PLD5: variants seen among roughly 807,000 people sequenced by gnomAD.
The protein encoded by PLD5 is phospholipase D family member 5.
Under a neutral mutation model 61.1 loss-of-function variants are expected in PLD5, and 36 were observed. The ratio of observed to expected loss-of-function variants is 0.59; its 90% CI spans 0.45 to 0.78. The LOEUF is 0.78. Ranked by LOEUF, PLD5 falls within the 30% of genes least tolerant of loss-of-function variation. The pLI, the probability that PLD5 is intolerant of heterozygous loss-of-function variation, is 0.00. For synonymous variants in PLD5, 243 were observed against 242.8 expected, an observed-to-expected ratio of 1.00 and a Z score of -0.01; for missense variants, 515 against 644.4, an observed-to-expected ratio of 0.80 and a Z score of 2.17.
intron 1 of PLD5, among the ~76,000 whole-genome samples, chr1:242,483,623 C>T (rs1667859591): frequency 6.6e-6 from 1 of 152,128 alleles, no homozygotes; most frequent in Non-Finnish European, 1.5e-5. Context: ...GACTTTAACA[C>T]CCCACTGTCA....
intron 2 of PLD5, among the ~76,000 whole-genome samples, chr1:242,341,795 G>T (rs975302012): frequency 4.9e-5 from 7 of 141,510 alleles, no homozygotes; most frequent in Non-Finnish European, 9.2e-5. Context: ...TAGAGATAGA[G>T]ACTGAGACAT....
Position 242,109,224 on chromosome 1 carries a change from A to G in PLD5, c.1071-1385T>C, listed in dbSNP as rs543839031. Among the ~76,000 whole-genome samples, 6 of 152,382 alleles carry G rather than the reference A, an allele frequency of 3.9e-5. No homozygotes were observed. In the East Asian group the frequency reaches 1.2e-3, roughly 29 times the overall value. On this transcript the variant is annotated intron_variant, in intron 7 of 9. Coordinates refer to ENST00000536534, the MANE Select transcript of PLD5 (RefSeq NM_001372062.1). ...GCCGGCACGGTGGCTCACACCTGTC[A>G]TTCCAGCACTTTGGAAGGCCAAGGC...
intron 1 of PLD5, among the ~76,000 whole-genome samples, chr1:242,422,400 G>A (rs998014454): frequency 2.0e-5 from 3 of 152,082 alleles, no homozygotes; most frequent in Non-Finnish European, 4.4e-5. Flanking sequence ...CAGATAATTT[G>A]AAAAATGTTT....
intron 1 of PLD5, chr1:242,377,176 G>C (rs565372403): frequency 6.2e-7 from 1 of 1,611,646 alleles, no homozygotes; most frequent in East Asian, 2.2e-5. Flanking sequence ...TGTCTGGAGA[G>C]AGAGACGTGA....
intron 1 of PLD5, among the ~76,000 whole-genome samples, chr1:242,448,936 T>C (rs1365180720): frequency 6.6e-6 from 1 of 152,208 alleles, no homozygotes; most frequent in East Asian, 1.9e-4. Flanking sequence ...AGCAAGCTGC[T>C]TAAGGATGAA....
At chr1:242,244,988 A>G (rs939249818) in intron 4 of PLD5, among the ~76,000 whole-genome samples, 2 of 152,176 alleles carry the variant, frequency 1.3e-5, no homozygotes, top group Admixed American at 1.3e-4. Flanking sequence ...ACAATCTTAA[A>G]CTAAATCATT....
At chr1:242,234,996 T>C (rs1393747630) in intron 4 of PLD5, among the ~76,000 whole-genome samples, 1 of 152,128 alleles carries the variant, frequency 6.6e-6, no homozygotes, top group Non-Finnish European at 1.5e-5. Flanking sequence ...TTCTTCTCTA[T>C]AAAATGGGGA....
intron 1 of PLD5, among the ~76,000 whole-genome samples, chr1:242,351,192 C>T (rs1223348151): frequency 5.9e-5 from 9 of 152,166 alleles, no homozygotes; most frequent in South Asian, 2.1e-4. Context: ...TGAGCAACCG[C>T]GCCCGGCCCT....
chr1:242,251,709 A>T (rs926353859), intron 4 of PLD5, among the ~76,000 whole-genome samples: 2 of 152,018 alleles, frequency 1.3e-5, no homozygotes, highest in African/African-American at 4.8e-5. Flanking sequence ...CCCCTCATTG[A>T]CTTGAGTGTG....
At chr1:242,121,651 T>C (rs1029452033) in intron 6 of PLD5, among the ~76,000 whole-genome samples, 15 of 152,098 alleles carry the variant, frequency 9.9e-5, no homozygotes, top group Admixed American at 8.5e-4. Context: ...CATATGTTTA[T>C]TGCGGCGCTA....
At chr1:242,320,766 T>A (rs1295142621) in intron 2 of PLD5, among the ~76,000 whole-genome samples, 1 of 152,174 alleles carries the variant, frequency 6.6e-6, no homozygotes, top group Non-Finnish European at 1.5e-5. Flanking sequence ...TCCATTAGAA[T>A]CACCTGGGGA....
intron 2 of PLD5, among the ~76,000 whole-genome samples, chr1:242,312,355 G>C (rs1235303300): frequency 3.3e-5 from 5 of 151,844 alleles, no homozygotes; most frequent in Admixed American, 2.6e-4. Context: ...TTCACTAATA[G>C]GCCCTCTGTG....
intron 5 of PLD5, among the ~76,000 whole-genome samples, chr1:242,128,903 A>T (rs1663015181): frequency 1.3e-5 from 2 of 152,200 alleles, no homozygotes; most frequent in Admixed American, 1.3e-4. Context: ...ACAGGCAAAT[A>T]TTAGCTCAGT....
At chr1:242,472,025 A>G (rs547484472) in intron 1 of PLD5, among the ~76,000 whole-genome samples, 1 of 152,350 alleles carries the variant, frequency 6.6e-6, no homozygotes, top group African/African-American at 2.4e-5. Flanking sequence ...TTCGATTTCA[A>G]TAACCCACAA....
intron 1 of PLD5, among the ~76,000 whole-genome samples, chr1:242,425,782 A>T (rs1665388189): frequency 6.6e-6 from 1 of 151,558 alleles, no homozygotes; most frequent in East Asian, 1.9e-4. Context: ...AGCTGGGACT[A>T]CAGGTGCCCG....
At position 242,124,478 on chromosome 1, in the gene PLD5, G is replaced by A. The variant is rs1574343144; in HGVS notation, c.923C>T (p.Ala308Val). 9 of 1,613,556 alleles carry A rather than the reference G, an allele frequency of 5.6e-6. No homozygotes were observed. The highest frequency in any genetic ancestry group is 2.7e-5 in the African/African-American group (2 of 75,026). The change falls in exon 6 of 10, where the codon GCA becomes GTA. Residue 308 changes from alanine to valine, a missense_variant. This residue lies in a region of PLD5 where 450 missense variants were observed against 598.1 expected (regional missense o/e 0.75). Transcript: ENST00000536534. ...QLQLNETKSQ[A>V]FVSNSPKLFC... is the part of the protein sequence containing the mutation. ...GGGAAAACAACTCACCGATACAAAT[G>A]CTTGAGATTTGGTTTCATTCAACTG...
At chr1:242,248,345 A>G (rs1414238341) in intron 4 of PLD5, among the ~76,000 whole-genome samples, 10 of 152,152 alleles carry the variant, frequency 6.6e-5, no homozygotes, top group African/African-American at 2.4e-4. Context: ...TGGACACTAT[A>G]ACCCACATCC....
chr1:242,106,716 C>G (rs1385837718), intron 8 of PLD5, among the ~76,000 whole-genome samples: 1 of 152,152 alleles, frequency 6.6e-6, no homozygotes, highest in African/African-American at 2.4e-5. Flanking sequence ...AATTGCGGAG[C>G]CCTTGATACC....
At position 242,524,528 on chromosome 1, in the gene PLD5, G is replaced by T. The variant is rs1192273305; in HGVS notation, c.-252C>A. ...GAGGGAGGGCGAGGTGCGGGCGGGG[G>T]CGGGGGCGGGGGCGGAGGGGGACGG... On this transcript the variant is annotated 5_prime_UTR_variant, in exon 1 of 10. Coordinates refer to ENST00000536534, the MANE Select transcript of PLD5 (RefSeq NM_001372062.1). 6.0e-6 allele frequency: 1 copy of T among 167,010 alleles called. No individual in the cohort carries two copies. Among genetic ancestry groups the T allele is most frequent in the East Asian group, 1.4e-4 (1 of 7,308 alleles). 10.3% of individuals were successfully genotyped at this position (167,010 alleles called of 1,614,324 possible).
Sources: allele counts gnomAD v4.1 joint callset (sites outside exome capture counted in the v4.1 genomes callset), GRCh38; gene constraint gnomAD v4.1.1; regional missense constraint gnomAD v4.1.1; transcripts MANE v1.5; gene names NCBI Gene and HGNC (gene_info 2026-07-23, HGNC 2026-07-21).